CPNE4: variants seen among roughly 807,000 people sequenced by gnomAD.
The protein encoded by CPNE4 is copine 4, also known as copine-4.
CPNE4 carries 25 observed loss-of-function variants against 67.9 expected under a neutral mutation model. That is an observed-to-expected ratio of 0.37 (90% CI 0.27 to 0.51). The LOEUF is 0.51. Ranked by LOEUF, CPNE4 falls within the 20% of genes least tolerant of loss-of-function variation. CPNE4 has a pLI of 0.93. For missense variants in CPNE4, 464 were observed against 690.8 expected (o/e 0.67, Z 3.68); for synonymous variants, 242 against 244.9 (o/e 0.99, Z 0.11).
At chr3:131,689,469 C>T (rs13079224) in intron 5 of CPNE4, among the ~76,000 whole-genome samples, 33,916 of 151,946 alleles carry the variant, frequency 0.22, 4,586 homozygotes, top group Non-Finnish European at 0.3. Flanking sequence ...TCTCAATAGA[C>T]GTAGGAAAAA....
rs199738886 is a variant in CPNE4 at position 131,629,453 on chromosome 3, C to CT, written c.681+40221dup. On this transcript the variant is annotated intron_variant, in intron 7 of 15. Transcript: ENST00000429747. Reference sequence around the variant, plus strand: ...AAAGAACAGGATACTGTAAACATAACTTTTTTTTGACACAGAGTCTCACTC... The same window carrying CT: ...AAAGAACAGGATACTGTAAACATAACTTTTTTTTTGACACAGAGTCTCACTC... Among the ~76,000 whole-genome samples the CT allele has an allele frequency of 6.9e-3, 1,045 of 151,686 alleles. 11 individuals carry two copies. The highest frequency in any genetic ancestry group is 0.024 in the African/African-American group (994 of 41,334).
At chr3:131,624,888 C>G (rs1190898281) in intron 7 of CPNE4, among the ~76,000 whole-genome samples, 1 of 152,160 alleles carries the variant, frequency 6.6e-6, no homozygotes, top group African/African-American at 2.4e-5. Context: ...ATCATTGTTG[C>G]CTTGACCCCA....
chr3:131,726,638 T>C (rs577758000), intron 2 of CPNE4, among the ~76,000 whole-genome samples: 1 of 146,732 alleles, frequency 6.8e-6, no homozygotes, highest in East Asian at 2.0e-4. Flanking sequence ...TCATTTCTCA[T>C]TGAGAGGCAT....
intron 1 of CPNE4, among the ~76,000 whole-genome samples, chr3:131,975,003 G>C (rs921130171): frequency 5.3e-5 from 8 of 152,066 alleles, no homozygotes; most frequent in Admixed American, 4.6e-4. Context: ...GCCAGACCCT[G>C]TCTCAAAAAT....
At chr3:132,012,342 TA>T (rs2073788487) in intron 1 of CPNE4, among the ~76,000 whole-genome samples, 2 of 152,104 alleles carry the variant, frequency 1.3e-5, no homozygotes, top group Non-Finnish European at 2.9e-5. Context: ...CTAATTTTTG[TA>T]ATTTTAGTAG....
intron 1 of CPNE4, among the ~76,000 whole-genome samples, chr3:132,031,804 CA>C (rs1331868970): frequency 6.6e-6 from 1 of 152,026 alleles, no homozygotes; most frequent in Non-Finnish European, 1.5e-5. Context: ...ACCATTAACC[CA>C]TTTTTTTTGG....
intron 1 of CPNE4, among the ~76,000 whole-genome samples, chr3:131,948,451 A>G (rs2071625034): frequency 6.6e-6 from 1 of 152,014 alleles, no homozygotes; most frequent in African/African-American, 2.4e-5. Flanking sequence ...GTCAATTAAA[A>G]CTCATTCCTT....
chr3:131,662,925 C>A (rs963395354), intron 7 of CPNE4, among the ~76,000 whole-genome samples: 1 of 152,070 alleles, frequency 6.6e-6, no homozygotes, highest in Non-Finnish European at 1.5e-5. Context: ...GGATCTAGAA[C>A]CAGAAATACC....
chr3:131,787,740 T>A (rs563534850), intron 2 of CPNE4, among the ~76,000 whole-genome samples: 1 of 152,256 alleles, frequency 6.6e-6, no homozygotes, highest in South Asian at 2.1e-4. Context: ...TTCCATCTTG[T>A]GTAAGAGTTA....
intron 6 of CPNE4, among the ~76,000 whole-genome samples, chr3:131,670,646 A>G (rs1384724156): frequency 2.0e-5 from 3 of 152,134 alleles, no homozygotes; most frequent in Admixed American, 6.5e-5. Context: ...TCTAGTCCCC[A>G]CCCAGAACTA....
At position 132,019,953 on chromosome 3, in the gene CPNE4, A is replaced by G. The variant is rs555494625; in HGVS notation, c.-2+14614T>C. On this transcript the variant is annotated intron_variant, in intron 1 of 15. Transcript: ENST00000429747. ...AAGGCCATTTAAACTTGTGACGCTC[A>G]TTAAGGACATTCTCACCACCATCAT... Among the ~76,000 whole-genome samples the G allele has an allele frequency of 3.3e-5, 5 of 152,302 alleles. No individual in the cohort carries two copies. The South Asian group carries it at 8.3e-4, about 25-fold the overall frequency.
intron 3 of CPNE4, among the ~76,000 whole-genome samples, chr3:131,709,357 G>A (rs2081503128): frequency 1.3e-5 from 2 of 152,134 alleles, no homozygotes; most frequent in African/African-American, 4.8e-5. Context: ...TGGTCCCACA[G>A]CCTCTAACAG....
chr3:131,956,460 G>A (rs959320509), intron 1 of CPNE4, among the ~76,000 whole-genome samples: 1 of 152,072 alleles, frequency 6.6e-6, no homozygotes, highest in Non-Finnish European at 1.5e-5. Flanking sequence ...TTAAGTATTA[G>A]AATAATTTAC....
At chr3:131,912,189 C>A (rs1320722881) in intron 1 of CPNE4, among the ~76,000 whole-genome samples, 1 of 152,128 alleles carries the variant, frequency 6.6e-6, no homozygotes, top group Non-Finnish European at 1.5e-5. Context: ...TGTCCTTTCA[C>A]TGAGATAATT....
chr3:132,024,370 C>G (rs2074070932), intron 1 of CPNE4, among the ~76,000 whole-genome samples: 1 of 152,170 alleles, frequency 6.6e-6, no homozygotes, highest in Non-Finnish European at 1.5e-5. Flanking sequence ...AGGTGTGAGC[C>G]ATTGCGCCCA....
At chr3:131,788,589 T>C (rs957035052) in intron 2 of CPNE4, among the ~76,000 whole-genome samples, 1 of 152,170 alleles carries the variant, frequency 6.6e-6, no homozygotes, top group Admixed American at 6.5e-5. Flanking sequence ...GAGGACACTT[T>C]GTCTATATGC....
chr3:131,934,745 G>A (rs1001039174), intron 1 of CPNE4, among the ~76,000 whole-genome samples: 2 of 152,142 alleles, frequency 1.3e-5, no homozygotes, highest in Admixed American at 6.5e-5. Flanking sequence ...AACCCAGTTA[G>A]GAAGCAGAGA....
chr3:131,549,827 G>T, intron 14 of CPNE4, 120 bp downstream of exon 14: 2 of 1,169,046 alleles, frequency 1.7e-6, no homozygotes, highest in East Asian at 2.4e-5. Flanking sequence ...TAAGTCATTT[G>T]TCCAAATTCA....
chr3:131,775,748 C>T (rs1039638481), intron 2 of CPNE4, among the ~76,000 whole-genome samples: 3 of 152,130 alleles, frequency 2.0e-5, no homozygotes, highest in Admixed American at 2.0e-4. Flanking sequence ...ATTGCCCAGT[C>T]TTGGGTATGT....
Sources: allele counts gnomAD v4.1 joint callset (sites outside exome capture counted in the v4.1 genomes callset), GRCh38; gene constraint gnomAD v4.1.1; transcripts MANE v1.5; gene names NCBI Gene and HGNC (gene_info 2026-07-23, HGNC 2026-07-21).